The following TUNAR variants were observed in gnomAD, a reference collection of about 807,000 sequenced individuals.
The protein encoded by TUNAR is transmembrane neural differentiation associated intracellular calcium regulator.
At chr14:95,904,628 G>A (rs1889402978) in intron 2 of TUNAR, among the ~76,000 whole-genome samples, 2 of 152,208 alleles carry the variant, frequency 1.3e-5, no homozygotes. Flanking sequence ...TAAAGCCCAG[G>A]TGTCATCCCT....
intron 2 of TUNAR, among the ~76,000 whole-genome samples, chr14:95,921,260 C>G (rs1316037385): frequency 6.6e-6 from 1 of 152,234 alleles, no homozygotes; most frequent in African/African-American, 2.4e-5. Context: ...GCGTGCATGA[C>G]CCAGTCAAGC....
At chr14:95,924,456 A>T (rs941025304) in exon 3 of TUNAR, 3 of 152,260 alleles carry the variant, frequency 2.0e-5, no homozygotes, top group African/African-American at 7.2e-5. Context: ...GAGGGTTAGT[A>T]TTCCTTCTGC....
rs534437939 is a variant in TUNAR, at chr14:95,922,497, A to AG, written c.13-278dup. On this transcript the variant is annotated intron_variant, in intron 2 of 2. Transcript: ENST00000678517. The stretch of plus-strand genomic sequence containing the variant: ...CTGACCCAGTTTCTCCTTCAAGGGA[A>AG]GGGGGGAAAACCAGCTCAACAAAGT... Among the ~76,000 whole-genome samples, 280 of 152,294 alleles carry AG rather than the reference A, an allele frequency of 1.8e-3. 1 individual carries two copies. Among genetic ancestry groups the AG allele is most frequent in the African/African-American group, 6.2e-3 (257 of 41,560 alleles).
chr14:95,888,804 G>C (rs1231501646), intron 2 of TUNAR, among the ~76,000 whole-genome samples: 3 of 149,852 alleles, frequency 2.0e-5, no homozygotes, highest in African/African-American at 7.3e-5. Flanking sequence ...ATATTCGAGG[G>C]GATGGGGGGG....
At chr14:95,914,685 A>C (rs1312059521) in intron 2 of TUNAR, among the ~76,000 whole-genome samples, 1 of 152,172 alleles carries the variant, frequency 6.6e-6, no homozygotes, top group African/African-American at 2.4e-5. Context: ...ATCAATCATC[A>C]TCATCACCAC....
chr14:95,917,534 C>T (rs1889625528), intron 2 of TUNAR, among the ~76,000 whole-genome samples: 1 of 152,206 alleles, frequency 6.6e-6, no homozygotes, highest in Admixed American at 6.5e-5. Context: ...ACCCCATAGA[C>T]ATTTTGACTG....
At chr14:95,901,263 A>G (rs1206056149) in intron 2 of TUNAR, among the ~76,000 whole-genome samples, 1 of 152,258 alleles carries the variant, frequency 6.6e-6, no homozygotes, top group African/African-American at 2.4e-5. Flanking sequence ...ATGCTCGAGC[A>G]GAAATCTGGG....
chr14:95,897,141 C>A (rs1432665021), intron 2 of TUNAR, among the ~76,000 whole-genome samples: 1 of 152,206 alleles, frequency 6.6e-6, no homozygotes, highest in Non-Finnish European at 1.5e-5. Flanking sequence ...AGGCACTGTT[C>A]TGGGGATGTT....
intron 2 of TUNAR, among the ~76,000 whole-genome samples, chr14:95,922,146 G>T (rs1889707251): frequency 6.6e-6 from 1 of 152,154 alleles, no homozygotes; most frequent in Non-Finnish European, 1.5e-5. Flanking sequence ...CACTTTTCTA[G>T]CTAATGCCTG....
intron 2 of TUNAR, among the ~76,000 whole-genome samples, chr14:95,901,948 G>A (rs1328970674): frequency 1.3e-5 from 2 of 152,158 alleles, no homozygotes; most frequent in South Asian, 4.2e-4. Context: ...CAGTGCAAAC[G>A]TTTGGGCAAA....
In TUNAR at chr14:95,902,892, C is replaced by T. The variant is rs149753281; in HGVS notation, c.13-19889C>T. 7.9e-5 allele frequency among the ~76,000 whole-genome samples: 12 copies of T among 152,270 alleles called. No homozygotes were observed. In the East Asian group the frequency reaches 2.1e-3, roughly 27 times the overall value. On this transcript the variant is annotated intron_variant, in intron 2 of 2. Transcript: ENST00000678517. ...ATTTCCTTAAAAAGCATTCTCCTTT[C>T]ATGGGTGGGTCTTTGAAAAAGCATT...
intron 2 of TUNAR, among the ~76,000 whole-genome samples, chr14:95,913,344 T>C (rs1210846609): frequency 6.6e-6 from 1 of 151,994 alleles, no homozygotes; most frequent in Non-Finnish European, 1.5e-5. Context: ...CAGGCTCCGG[T>C]GTGTGATGTT....
intron 2 of TUNAR, among the ~76,000 whole-genome samples, chr14:95,904,933 T>C (rs1490191843): frequency 6.6e-6 from 1 of 152,136 alleles, no homozygotes; most frequent in African/African-American, 2.4e-5. Context: ...CCAGAGCCTG[T>C]CACCAAAAAC....
Position 95,895,398 on chromosome 14 carries a change from CAT to C in TUNAR, c.12+18222_12+18223del, listed in dbSNP as rs757362761. Among the ~76,000 whole-genome samples the C allele has an allele frequency of 1.8e-4, 28 of 152,196 alleles. 1 individual carries two copies. Among genetic ancestry groups the C allele is most frequent in the Admixed American group, 5.9e-4 (9 of 15,294 alleles). Reference sequence around the variant, plus strand: ...AAGACCTGAGTTCCAGCAAATCACACATGTGTGCATGTTGTTAGAGTGTGTGT... The same window carrying C: ...AAGACCTGAGTTCCAGCAAATCACACGTGTGCATGTTGTTAGAGTGTGTGT... On this transcript the variant is annotated intron_variant, in intron 2 of 2. Transcript: ENST00000678517. This position sits in a 1 kb window ranked among gnomAD's most constrained non-coding sequence, Gnocchi z 4.5.
intron 2 of TUNAR, among the ~76,000 whole-genome samples, chr14:95,879,525 G>A (rs538292780): frequency 6.7e-4 from 102 of 152,268 alleles, no homozygotes; most frequent in African/African-American, 2.4e-3. Flanking sequence ...AACGATTTTT[G>A]TGTCATAGAT....
intron 2 of TUNAR, among the ~76,000 whole-genome samples, chr14:95,901,546 G>A (rs1889353805): frequency 6.6e-6 from 1 of 152,224 alleles, no homozygotes; most frequent in Non-Finnish European, 1.5e-5. Context: ...TTGGGCTCAG[G>A]ACAGCCCCAA....
intron 2 of TUNAR, among the ~76,000 whole-genome samples, chr14:95,921,935 A>G (rs1020884486): frequency 2.6e-5 from 4 of 151,776 alleles, no homozygotes; most frequent in Non-Finnish European, 2.9e-5. Flanking sequence ...ACCATCATAT[A>G]ATATTCCATT....
At chr14:95,899,397 T>A (rs1889313188) in intron 2 of TUNAR, among the ~76,000 whole-genome samples, 3 of 152,184 alleles carry the variant, frequency 2.0e-5, no homozygotes, top group Admixed American at 6.5e-5. Context: ...GGGACCACAG[T>A]GGAGCAGCAC....
At chr14:95,907,224 G>A (rs1158430546) in intron 2 of TUNAR, among the ~76,000 whole-genome samples, 2 of 152,098 alleles carry the variant, frequency 1.3e-5, no homozygotes, top group South Asian at 2.1e-4. Context: ...GTTGCTTTTC[G>A]TATTTTTGCA....
Sources: allele counts gnomAD v4.1 joint callset (sites outside exome capture counted in the v4.1 genomes callset), GRCh38; gene constraint gnomAD v4.1.1; non-coding constraint Gnocchi (gnomAD v3.1); transcripts MANE v1.5; gene names NCBI Gene and HGNC (gene_info 2026-07-23, HGNC 2026-07-21).